The following B3GALT1 variants were observed in gnomAD, a reference collection of about 807,000 sequenced individuals.
The protein encoded by B3GALT1 is beta-1,3-galactosyltransferase 1.
B3GALT1 carries 10 observed loss-of-function variants against 23.2 expected under a neutral mutation model. The ratio of observed to expected loss-of-function variants is 0.43; its 90% CI spans 0.27 to 0.73. The LOEUF is 0.73. B3GALT1 is among the 30% of genes least tolerant of loss of function. B3GALT1 has a pLI of 0.21. For missense variants in B3GALT1, 299 were observed against 405.4 expected (o/e 0.74, Z 2.25); for synonymous variants, 156 against 141.5 (o/e 1.10, Z -0.73).
In B3GALT1 at chr2:167,299,005, T is replaced by G. The variant is rs148524656; in HGVS notation, c.-511+5671T>G. 4.0e-3 allele frequency among the ~76,000 whole-genome samples: 615 copies of G among 152,286 alleles called. 7 individuals are homozygous for G. The highest frequency in any genetic ancestry group is 0.014 in the African/African-American group (588 of 41,562). On this transcript the variant is annotated intron_variant, in intron 1 of 4. Transcript: ENST00000392690. Reference sequence around the variant, plus strand: ...AAAAAACAAACCTATTGCTAGATTCTCTCAGAAAACACCTTCCACAGGGGT... The same window carrying G: ...AAAAAACAAACCTATTGCTAGATTCGCTCAGAAAACACCTTCCACAGGGGT...
rs1341054020 is a variant in B3GALT1 at position 167,759,629 on chromosome 2, G to C, written c.-351-59043G>C. Among the ~76,000 whole-genome samples the C allele has an allele frequency of 2.6e-5, 4 of 152,182 alleles. No homozygotes were observed. The East Asian group carries it at 7.7e-4, about 29-fold the overall frequency. ...AGAGCTAGTTGTTAGGAGCAAGCCG[G>C]TAATTGGCAGGATTGATGATGAAAC... On this transcript the variant is annotated intron_variant, in intron 3 of 4. Coordinates refer to ENST00000392690, the MANE Select transcript of B3GALT1 (RefSeq NM_020981.4).
intron 3 of B3GALT1, among the ~76,000 whole-genome samples, chr2:167,780,133 C>G (rs1688222916): frequency 6.6e-6 from 1 of 152,196 alleles, no homozygotes; most frequent in Non-Finnish European, 1.5e-5. Context: ...CCACCGTATT[C>G]TAGAGAGTGC....
At chr2:167,507,200 G>A (rs1699931992) in intron 2 of B3GALT1, among the ~76,000 whole-genome samples, 2 of 152,000 alleles carry the variant, frequency 1.3e-5, no homozygotes, top group Admixed American at 1.3e-4. Context: ...ACAGATCTTG[G>A]TGAATATTAA....
intron 1 of B3GALT1, among the ~76,000 whole-genome samples, chr2:167,466,594 TG>T (rs1699347986): frequency 8.5e-6 from 1 of 117,046 alleles, no homozygotes; most frequent in Non-Finnish European, 1.7e-5. Flanking sequence ...CACTCCAGCC[TG>T]GGTGACAGAG....
intron 1 of B3GALT1, among the ~76,000 whole-genome samples, chr2:167,319,701 G>GAT (rs1386219017): frequency 2.6e-5 from 4 of 151,946 alleles, no homozygotes; most frequent in Non-Finnish European, 4.4e-5. Flanking sequence ...GGCAGAAAAA[G>GAT]ATATATATAA....
At chr2:167,649,743 T>C (rs1197683224) in intron 3 of B3GALT1, among the ~76,000 whole-genome samples, 1 of 152,120 alleles carries the variant, frequency 6.6e-6, no homozygotes, top group African/African-American at 2.4e-5. Context: ...GAAATACAAT[T>C]GTTTTTGTAT....
intron 3 of B3GALT1, among the ~76,000 whole-genome samples, chr2:167,653,676 C>G (rs1685904248): frequency 6.6e-6 from 1 of 152,136 alleles, no homozygotes; most frequent in Admixed American, 6.6e-5. Flanking sequence ...TAGGCTTCCT[C>G]ATTTGCCGAG....
chr2:167,785,982 A>G (rs1206368466), intron 3 of B3GALT1, among the ~76,000 whole-genome samples: 1 of 152,212 alleles, frequency 6.6e-6, no homozygotes. Context: ...ACAACCATTG[A>G]TTCATGGGTG....
intron 1 of B3GALT1, among the ~76,000 whole-genome samples, chr2:167,383,596 C>A (rs1437105803): frequency 6.6e-6 from 1 of 152,162 alleles, no homozygotes. Flanking sequence ...TTTCTGACTC[C>A]TCCACTGAGA....
intron 1 of B3GALT1, among the ~76,000 whole-genome samples, chr2:167,417,466 G>C (rs529294350): frequency 6.6e-6 from 1 of 152,068 alleles, no homozygotes; most frequent in Non-Finnish European, 1.5e-5. Flanking sequence ...ATAATTTTTT[G>C]TTTGTTTTTC....
chr2:167,768,706 C>T (rs1688018202), intron 3 of B3GALT1, among the ~76,000 whole-genome samples: 2 of 152,190 alleles, frequency 1.3e-5, no homozygotes, highest in South Asian at 2.1e-4. Flanking sequence ...TAGAATGCAT[C>T]CTTTTCTTGG....
chr2:167,796,896 T>G (rs1688554369), intron 3 of B3GALT1, among the ~76,000 whole-genome samples: 2 of 152,202 alleles, frequency 1.3e-5, no homozygotes, highest in Admixed American at 1.3e-4. Context: ...AAATTAAAGA[T>G]TTTTCTCCAG....
chr2:167,719,155 C>T (rs531631599), intron 3 of B3GALT1, among the ~76,000 whole-genome samples: 1 of 152,294 alleles, frequency 6.6e-6, no homozygotes, highest in East Asian at 1.9e-4. Flanking sequence ...CCAAAGCACA[C>T]TAGCATTTCT....
At chr2:167,539,583 T>C (rs972725894) in intron 2 of B3GALT1, among the ~76,000 whole-genome samples, 4 of 152,178 alleles carry the variant, frequency 2.6e-5, no homozygotes, top group Non-Finnish European at 5.9e-5. Context: ...GACTATTCTT[T>C]AACATTACAG....
chr2:167,546,308 T>G (rs1316934554), intron 2 of B3GALT1, among the ~76,000 whole-genome samples: 1 of 152,222 alleles, frequency 6.6e-6, no homozygotes, highest in Non-Finnish European at 1.5e-5. Context: ...ACCTTAGTCT[T>G]GGTGTTCAGA....
intron 1 of B3GALT1, among the ~76,000 whole-genome samples, chr2:167,393,495 A>G (rs537265074): frequency 6.6e-6 from 1 of 152,312 alleles, no homozygotes; most frequent in South Asian, 2.1e-4. Context: ...AAACAAAGAC[A>G]TATTAGAAAA....
chr2:167,630,238 A>C (rs1685417406), intron 2 of B3GALT1, among the ~76,000 whole-genome samples: 2 of 151,828 alleles, frequency 1.3e-5, no homozygotes, highest in African/African-American at 4.8e-5. Context: ...GCAGAAGATG[A>C]GGGAGTAGAG....
intron 2 of B3GALT1, among the ~76,000 whole-genome samples, chr2:167,525,132 T>C (rs1683199068): frequency 6.6e-6 from 1 of 152,220 alleles, no homozygotes; most frequent in Admixed American, 6.5e-5. Context: ...TTGCCTTTCC[T>C]GGCAATTGAT....
At chr2:167,425,774 A>G (rs922869328) in intron 1 of B3GALT1, among the ~76,000 whole-genome samples, 2 of 152,212 alleles carry the variant, frequency 1.3e-5, no homozygotes, top group African/African-American at 4.8e-5. Flanking sequence ...TCGACTTTGT[A>G]CATGACTTAT....
Sources: gnomAD v4.1 joint callset for allele counts (sites outside exome capture counted in the v4.1 genomes callset) on GRCh38, gnomAD v4.1.1 for gene constraint, MANE v1.5 for transcripts, NCBI Gene and HGNC (gene_info 2026-07-23, HGNC 2026-07-21) for gene names.